Variants in ITGA11 observed in about 807,000 individuals in gnomAD.
The protein encoded by ITGA11 is integrin alpha-11.
Under a neutral mutation model 141.9 loss-of-function variants are expected in ITGA11, and 97 were observed. The observed-to-expected ratio is 0.68, with a 90% CI of 0.58 to 0.81. The LOEUF is 0.81. Among genes scored for constraint, ITGA11 ranks in the 30% least tolerant of loss-of-function variants. The pLI is 0.00. For synonymous variants in ITGA11, 658 were observed against 624.6 expected (o/e 1.05, Z -0.80); for missense variants, 1,387 against 1,559.2 (o/e 0.89, Z 1.86).
At chr15:68,395,033 C>T (rs1056694014) in intron 2 of ITGA11, among the ~76,000 whole-genome samples, 9 of 152,146 alleles carry the variant, frequency 5.9e-5, no homozygotes, top group Non-Finnish European at 1.3e-4. Flanking sequence ...TCCAGGCAAA[C>T]AGGGTCTGGA....
rs775278672 is a variant in ITGA11, at chr15:68,320,250, C to T, written c.2551G>A (p.Ala851Thr). ...EATLENRGEN[A>T]YSTVLNISQS... Reference sequence around the variant, plus strand: ...GAGATATTTAGGACCGTGCTGTAGGCGTTCTCGCCCCTGTTCTCCAGTGTG... The same window carrying T: ...GAGATATTTAGGACCGTGCTGTAGGTGTTCTCGCCCCTGTTCTCCAGTGTG... Residue 851 changes from alanine to threonine, a missense_variant, in exon 20 of 30, where the codon GCC becomes ACC. Physicochemically the swap from Ala to Thr is moderately conservative, Grantham distance 58 (BLOSUM62 0). Coordinates refer to ENST00000315757, the MANE Select transcript of ITGA11 (RefSeq NM_001004439.2). 5.6e-6 allele frequency: 9 copies of T among 1,614,044 alleles called. No individual in the cohort carries two copies. The East Asian group carries it at 6.7e-5, about 12-fold the overall frequency.
chr15:68,379,359 G>T (rs895684722), intron 2 of ITGA11, among the ~76,000 whole-genome samples: 6 of 152,240 alleles, frequency 3.9e-5, no homozygotes, highest in African/African-American at 1.2e-4. Flanking sequence ...ATCTCCTCTA[G>T]ATAATTTGCC....
intron 4 of ITGA11, among the ~76,000 whole-genome samples, chr15:68,362,984 CAGAT>C (rs969241638): frequency 6.7e-5 from 10 of 149,766 alleles, no homozygotes; most frequent in Non-Finnish European, 1.5e-4. Context: ...GGATGAATGA[CAGAT>C]GGATGATGGA....
Position 68,320,197 on chromosome 15 carries a change from G to T in ITGA11, c.2604C>A (p.Ser868Arg). 2 of 1,614,006 alleles carry T rather than the reference G, an allele frequency of 1.2e-6. No individual in the cohort carries two copies. The highest frequency in any genetic ancestry group is 1.3e-5 in the African/African-American group (1 of 75,072). ...GCTGAGGTCTTACCTTCTGGATCAA[G>T]CTGGCAAACTGCAGGTTTGCTGACT... ...ISQSANLQFA[S>R]LIQKEDSDGS... is the part of the protein sequence containing the mutation. The change falls in exon 20 of 30, where the codon AGC (serine) becomes AGA (arginine). Residue 868 changes from serine (S) to arginine (R), a missense_variant. Coordinates refer to ENST00000315757, the MANE Select transcript of ITGA11 (RefSeq NM_001004439.2).
rs748869209 is a variant in ITGA11 at position 68,304,214 on chromosome 15, C to T, written c.3382-329G>A. On this transcript the variant is annotated intron_variant, in intron 28 of 29. Transcript: ENST00000315757. The surrounding 1 kb of genome is among the most constrained non-coding windows in gnomAD (Gnocchi z 6.1). ...CCTTTGCTGCCTCCGCATCGCCTCC[C>T]GCACTTCTAAAGGTCAGTGTCTCCC... Among the ~76,000 whole-genome samples, 22 of 152,212 alleles carry T rather than the reference C, an allele frequency of 1.4e-4. No individual in the cohort carries two copies. The highest frequency in any genetic ancestry group is 5.1e-4 in the African/African-American group (21 of 41,448).
chr15:68,303,046 C>A lies in ITGA11; in HGVS notation c.*13G>T, dbSNP rs1378847904. 3.2e-6 allele frequency: 5 copies of A among 1,546,350 alleles called. No individual in the cohort carries two copies. Among genetic ancestry groups the A allele is most frequent in the Non-Finnish European group, 4.4e-6 (5 of 1,144,824 alleles). On this transcript the variant is annotated 3_prime_UTR_variant, in exon 30 of 30. Coordinates refer to ENST00000315757, the MANE Select transcript of ITGA11 (RefSeq NM_001004439.2). This position sits in a 1 kb window ranked among gnomAD's most constrained non-coding sequence, Gnocchi z 5.3. ...GTCCTGGCCCCCATCAACTCAAAGT[C>A]TCCTCTGGAGCCTCACTCCAGCACT...
intron 2 of ITGA11, among the ~76,000 whole-genome samples, chr15:68,391,841 C>T (rs1020234036): frequency 7.9e-5 from 12 of 152,118 alleles, no homozygotes; most frequent in Admixed American, 5.2e-4. Context: ...AATATTTTGC[C>T]GAGTCTAGTA....
chr15:68,409,253 C>G (rs1896714304), intron 1 of ITGA11, among the ~76,000 whole-genome samples: 1 of 152,168 alleles, frequency 6.6e-6, no homozygotes, highest in Non-Finnish European at 1.5e-5. Context: ...CTCTGTCACT[C>G]CCTGCCTTGC....
In ITGA11 at chr15:68,361,821, G is replaced by A. The variant is rs75078702; in HGVS notation, c.358-117C>T. 1.2e-3 allele frequency: 771 copies of A among 654,352 alleles called. 6 individuals carry two copies. In the African/African-American group the frequency reaches 0.013, roughly 11 times the overall value. 40.5% of individuals were successfully genotyped at this position (654,352 alleles called of 1,614,324 possible). A position where few individuals can be genotyped will look rare whatever the true frequency, so the allele number is the denominator to read the frequency against. On this transcript the variant is annotated intron_variant, in intron 4 of 29. Transcript: ENST00000315757. ...CCCAAGACAGACTTCTATCTGAGGG[G>A]TGAGGGGGTGAGGGATCTTCTTTGG...
chr15:68,431,364 C>T (rs1897266935), intron 1 of ITGA11, among the ~76,000 whole-genome samples: 1 of 152,204 alleles, frequency 6.6e-6, no homozygotes, highest in Admixed American at 6.5e-5. Flanking sequence ...GTCCCTACCC[C>T]GGGTGTCAGG....
chr15:68,382,702 C>T (rs1443226391), intron 2 of ITGA11, among the ~76,000 whole-genome samples: 10 of 152,198 alleles, frequency 6.6e-5, no homozygotes, highest in Admixed American at 6.5e-4. Context: ...TTCTTCTTTC[C>T]TTTTCCCATT....
rs2140297122 is a variant in ITGA11 at position 68,326,977 on chromosome 15, G to A, written c.2069-181C>T. 6.6e-6 allele frequency among the ~76,000 whole-genome samples: 1 copy of A among 152,260 alleles called. No homozygotes were observed. Among genetic ancestry groups the A allele is most frequent in the South Asian group, 2.1e-4 (1 of 4,816 alleles). ...CAAGTGATTGCATGAGGAAGGTAAAGGAAGGAACCAAAGAAAAGGGGGAGG... is the reference window on the plus strand; with the variant it reads ...CAAGTGATTGCATGAGGAAGGTAAAAGAAGGAACCAAAGAAAAGGGGGAGG... On this transcript the variant is annotated intron_variant, in intron 16 of 29. Coordinates refer to ENST00000315757, the MANE Select transcript of ITGA11 (RefSeq NM_001004439.2). The surrounding 1 kb of genome is among the most constrained non-coding windows in gnomAD (Gnocchi z 6.8).
At chr15:68,389,125 G>A (rs993948757) in intron 2 of ITGA11, among the ~76,000 whole-genome samples, 1 of 152,024 alleles carries the variant, frequency 6.6e-6, no homozygotes, top group Admixed American at 6.6e-5. Context: ...CTGAACATTG[G>A]AATCCTATCC....
rs1892921493 is a variant in ITGA11, at chr15:68,296,894, CTCT to C, written c.*6162_*6164del. ...GGCTTCCCTTCCCTTCTTTCTCCTT[CTCT>C]TCTTTGGTTTAAAATGTTGATTTTC... is the stretch of plus-strand genomic sequence containing the variant. On this transcript the variant is annotated 3_prime_UTR_variant, in exon 30 of 30. Coordinates refer to ENST00000315757, the MANE Select transcript of ITGA11 (RefSeq NM_001004439.2). 6.6e-6 allele frequency: 1 copy of C among 150,436 alleles called. No individual in the cohort carries two copies. The highest frequency in any genetic ancestry group is 2.1e-4 in the South Asian group (1 of 4,776). The allele number at this position is 150,436 out of a possible 1,614,324, so 9.3% of individuals were successfully genotyped here.
At chr15:68,380,617 C>G (rs1895836948) in intron 2 of ITGA11, among the ~76,000 whole-genome samples, 1 of 152,162 alleles carries the variant, frequency 6.6e-6, no homozygotes, top group Non-Finnish European at 1.5e-5. Flanking sequence ...GGGGGCAACT[C>G]CTGGACAGAG....
intron 15 of ITGA11, among the ~76,000 whole-genome samples, chr15:68,330,069 C>T (rs576333916): frequency 1.3e-3 from 203 of 152,350 alleles, no homozygotes; most frequent in Non-Finnish European, 1.9e-3. Context: ...CTGGCTCGCT[C>T]GGCATCGGTG....
At chr15:68,379,422 C>T (rs76532273) in intron 2 of ITGA11, among the ~76,000 whole-genome samples, 1,786 of 152,340 alleles carry the variant, frequency 0.012, 50 homozygotes, top group East Asian at 0.097. Context: ...CTCCCCCCAG[C>T]GCTGGTCAAA....
At chr15:68,346,308 C>G (rs939247240) in intron 10 of ITGA11, among the ~76,000 whole-genome samples, 2 of 152,172 alleles carry the variant, frequency 1.3e-5, no homozygotes, top group East Asian at 1.9e-4. Flanking sequence ...CCTGCAAGGA[C>G]TCACCTTGCT....
intron 2 of ITGA11, among the ~76,000 whole-genome samples, chr15:68,378,596 T>C (rs1895784451): frequency 6.6e-6 from 1 of 152,176 alleles, no homozygotes; most frequent in South Asian, 2.1e-4. Context: ...TAAGCTATGA[T>C]CATGCCACTG....
Sources: allele counts gnomAD v4.1 joint callset (sites outside exome capture counted in the v4.1 genomes callset), GRCh38; gene constraint gnomAD v4.1.1; non-coding constraint Gnocchi (gnomAD v3.1); transcripts MANE v1.5; gene names NCBI Gene and HGNC (gene_info 2026-07-23, HGNC 2026-07-21).